Variants in UBR2 observed in about 807,000 individuals in gnomAD.
The protein encoded by UBR2 is E3 ubiquitin-protein ligase UBR2.
A neutral mutation model predicts 247.9 loss-of-function variants in UBR2; 92 were observed. The ratio of observed to expected loss-of-function variants is 0.37; its 90% CI spans 0.31 to 0.44. The LOEUF (loss-of-function observed/expected upper bound fraction) is 0.44, where lower values mean the gene tolerates loss of function less well. Among genes scored for constraint, UBR2 ranks in the 20% least tolerant of loss-of-function variants. UBR2 has a pLI of 1.00. For missense variants in UBR2, 1,613 were observed against 2,112.6 expected, an observed-to-expected ratio of 0.76 and a Z score of 4.64; for synonymous variants, 672 against 693.5, an observed-to-expected ratio of 0.97 and a Z score of 0.49.
At chr6:42,687,202 A>G (rs1354987939) in intron 44 of UBR2, among the ~76,000 whole-genome samples, 1 of 152,236 alleles carries the variant, frequency 6.6e-6, no homozygotes, top group Non-Finnish European at 1.5e-5. Flanking sequence ...AACATTGAGC[A>G]CTGAGTGAGC....
At chr6:42,674,824 A>G (rs1338318746) in intron 38 of UBR2, among the ~76,000 whole-genome samples, 1 of 151,640 alleles carries the variant, frequency 6.6e-6, no homozygotes, top group African/African-American at 2.4e-5. Context: ...TACATTTTCG[A>G]AAATCTGGCA....
chr6:42,654,782 G>A (rs959221874), intron 25 of UBR2, among the ~76,000 whole-genome samples: 2 of 152,132 alleles, frequency 1.3e-5, no homozygotes, highest in Non-Finnish European at 2.9e-5. Flanking sequence ...GGTTGATACA[G>A]TCTCTAGAAG....
At chr6:42,614,392 G>GTACA (rs1198307513) in intron 8 of UBR2, among the ~76,000 whole-genome samples, 1,466 of 126,628 alleles carry the variant, frequency 0.012, 69 homozygotes, top group African/African-American at 0.042. Context: ...ATGTATGTAC[G>GTACA]TACATACATA....
chr6:42,662,999 C>G (rs1797906797), intron 31 of UBR2, among the ~76,000 whole-genome samples: 1 of 151,112 alleles, frequency 6.6e-6, no homozygotes, highest in Admixed American at 6.6e-5. Context: ...GGCAAGAGAA[C>G]AATGACACCA....
chr6:42,621,803 A>G (rs1795008621), intron 11 of UBR2, among the ~76,000 whole-genome samples: 1 of 152,078 alleles, frequency 6.6e-6, no homozygotes, highest in Non-Finnish European at 1.5e-5. Flanking sequence ...GTATGAATTT[A>G]GATTCAGCAT....
intron 19 of UBR2, 43 bp downstream of exon 19, chr6:42,644,379 G>T: frequency 6.2e-7 from 1 of 1,606,400 alleles, no homozygotes; most frequent in Non-Finnish European, 8.5e-7. Context: ...TGCTAAAGAA[G>T]CATCTTTCCT....
chr6:42,662,210 C>T lies in UBR2; in HGVS notation c.3469C>T (p.Pro1157Ser). The change falls in exon 31 of 47, where the codon CCT becomes TCT. Residue 1157 changes from proline (P) to serine (S), a missense_variant. Coordinates refer to ENST00000372901, the MANE Select transcript of UBR2 (RefSeq NM_001363705.2). ...AAAATATGATCCATTATTCATGCAC[C>T]CTGATCTGTCTTGTGGAACACACAC... ...PEKYDPLFMH[P>S]DLSCGTHTSS... is the part of the protein sequence containing the mutation. 6.2e-7 allele frequency: 1 copy of T among 1,607,602 alleles called. No homozygotes were observed. The highest frequency in any genetic ancestry group is 8.5e-7 in the Non-Finnish European group (1 of 1,177,176).
chr6:42,601,536 A>G (rs1793355659), intron 4 of UBR2, among the ~76,000 whole-genome samples: 1 of 152,018 alleles, frequency 6.6e-6, no homozygotes, highest in Admixed American at 6.6e-5. Context: ...TAAAAATACA[A>G]AATTAGCCAG....
rs769369327 is a variant in UBR2 at position 42,640,227 on chromosome 6, G to A, written c.1877G>A (p.Ser626Asn). ...RLLAGLHVLL[S>N]KSEVAYKFPE... ...CATGCAGGTTTACATGTATTATTAA[G>A]CAAAAGTGAAGTGGCATATAAATTT... Residue 626 changes from serine (S) to asparagine (N), a missense_variant, in exon 16 of 47, where the codon AGC (serine) becomes AAC (asparagine). Transcript: ENST00000372901. The A allele has an allele frequency of 6.2e-7, 1 of 1,606,932 alleles. No homozygotes were observed. The highest frequency in any genetic ancestry group is 1.7e-5 in the Admixed American group (1 of 58,606).
chr6:42,629,079 TG>T (rs1795533287), intron 11 of UBR2, among the ~76,000 whole-genome samples: 1 of 152,078 alleles, frequency 6.6e-6, no homozygotes, highest in Admixed American at 6.5e-5. Context: ...TGCAGTGGCA[TG>T]ATCTGGGCTC....
chr6:42,607,326 C>G (rs962457678), intron 7 of UBR2, among the ~76,000 whole-genome samples: 1 of 151,576 alleles, frequency 6.6e-6, no homozygotes, highest in Non-Finnish European at 1.5e-5. Context: ...CACAGCCACG[C>G]CCAGCTAATT....
chr6:42,648,150 C>T lies in UBR2; in HGVS notation c.2442C>T (p.Ile814=), dbSNP rs371811763. ...ENKETGMESV[I]EAVAHFKKPG... ...AGGAGACTGGCATGGAGAGTGTAAT[C>T]GAAGCAGTTGCCCATTTCAAGTGAG... The change falls in exon 22 of 47, where the codon ATC becomes ATT. Residue 814 remains isoleucine (I), a synonymous_variant. Coordinates refer to ENST00000372901, the MANE Select transcript of UBR2 (RefSeq NM_001363705.2). 4 of 1,613,826 alleles carry T rather than the reference C, an allele frequency of 2.5e-6. No individual in the cohort carries two copies. The highest frequency in any genetic ancestry group is 2.7e-5 in the African/African-American group (2 of 74,906).
chr6:42,619,389 C>T (rs1794756387), intron 11 of UBR2: 1 of 114,130 alleles, frequency 8.8e-6, no homozygotes, highest in Non-Finnish European at 1.7e-5. Context: ...TTAGTAAAAA[C>T]TTCATAGTTC....
intron 34 of UBR2, among the ~76,000 whole-genome samples, chr6:42,668,581 A>G (rs991167105): frequency 6.6e-6 from 1 of 152,126 alleles, no homozygotes; most frequent in Non-Finnish European, 1.5e-5. Context: ...CTGGGATTAC[A>G]GACATGAGCT....
At chr6:42,589,501 C>T (rs911685029) in intron 2 of UBR2, among the ~76,000 whole-genome samples, 7 of 152,118 alleles carry the variant, frequency 4.6e-5, no homozygotes, top group East Asian at 1.9e-4. Flanking sequence ...GACATTAGAG[C>T]GACGCTGGCC....
At chr6:42,606,119 G>A (rs530277168) in intron 6 of UBR2, among the ~76,000 whole-genome samples, 3 of 151,914 alleles carry the variant, frequency 2.0e-5, no homozygotes, top group South Asian at 2.1e-4. Flanking sequence ...GGCATGAGCC[G>A]GTAATCCCAG....
chr6:42,572,235 C>A (rs1791198724), intron 1 of UBR2, among the ~76,000 whole-genome samples: 1 of 152,092 alleles, frequency 6.6e-6, no homozygotes, highest in African/African-American at 2.4e-5. Flanking sequence ...TGGTTATAAG[C>A]TTCTATCCAG....
intron 1 of UBR2, among the ~76,000 whole-genome samples, chr6:42,572,682 G>A (rs1791238267): frequency 6.6e-6 from 1 of 151,696 alleles, no homozygotes; most frequent in Non-Finnish European, 1.5e-5. Flanking sequence ...TTTTGTTCAC[G>A]GTTCAGTTAA....
intron 44 of UBR2, among the ~76,000 whole-genome samples, chr6:42,687,134 G>A (rs1474004266): frequency 6.6e-5 from 10 of 152,204 alleles, no homozygotes; most frequent in South Asian, 2.1e-4. Flanking sequence ...CAAGGCAGGC[G>A]GCTGGGAGGT....
Sources: allele counts gnomAD v4.1 joint callset (sites outside exome capture counted in the v4.1 genomes callset), GRCh38; gene constraint gnomAD v4.1.1; transcripts MANE v1.5; gene names NCBI Gene and HGNC (gene_info 2026-07-23, HGNC 2026-07-21).